Variants in CYTH4 observed in about 807,000 individuals in gnomAD.
CYTH4 encodes the protein cytohesin 4.
CYTH4 carries 22 observed loss-of-function variants against 57.5 expected under a neutral mutation model. That is an observed-to-expected ratio of 0.38 (90% CI 0.27 to 0.55). CYTH4 has a LOEUF of 0.55. Ranked by LOEUF, CYTH4 falls within the 20% of genes least tolerant of loss-of-function variation. The probability of loss-of-function intolerance (pLI) is 0.74; values close to 1 mark genes in which losing one functional copy is unlikely to be tolerated. For synonymous variants in CYTH4, 186 were observed against 206.5 expected, an observed-to-expected ratio of 0.90 and a Z score of 0.85; for missense variants, 420 against 535.6, an observed-to-expected ratio of 0.78 and a Z score of 2.13.
chr22:37,311,351 G>A lies in CYTH4; in HGVS notation c.886-105G>A, dbSNP rs1929635996. 3.9e-6 allele frequency: 4 copies of A among 1,027,432 alleles called. No homozygotes were observed. Among genetic ancestry groups the A allele is most frequent in the Non-Finnish European group, 6.0e-6 (4 of 663,012 alleles). 63.6% of individuals were successfully genotyped at this position (1,027,432 alleles called of 1,614,324 possible). ...CTATGACTGGACAGTCTCGGAAGAT[G>A]AGCACGCTCCTCTTTGAGTTTGGGG... On this transcript the variant is annotated intron_variant, in intron 10 of 12. Transcript: ENST00000248901. The surrounding 1 kb of genome is among the most constrained non-coding windows in gnomAD (Gnocchi z 4.4).
rs377543427 is a variant in CYTH4 at position 37,303,356 on chromosome 22, A to G, written c.650A>G (p.Asn217Ser). The change falls in exon 8 of 13, where the codon AAC (asparagine) becomes AGC (serine). Residue 217 changes from asparagine to serine, a missense_variant. Transcript: ENST00000248901. ...CCTTTTGAGCGCTTTGTGTCCATGA[A>G]CCGCGGCATCAACAATGGTAGCGAC... ...RPPFERFVSM[N>S]RGINNGSDLP... The G allele has an allele frequency of 2.5e-5, 40 of 1,614,010 alleles. No homozygotes were observed. In the Middle Eastern group the frequency reaches 1.2e-3, roughly 46 times the overall value.
At chr22:37,285,435 G>C (rs970562015) in intron 1 of CYTH4, among the ~76,000 whole-genome samples, 3 of 152,172 alleles carry the variant, frequency 2.0e-5, no homozygotes, top group African/African-American at 7.2e-5. Flanking sequence ...GCCAGGCATG[G>C]TGGCTCACAT....
intron 1 of CYTH4, among the ~76,000 whole-genome samples, chr22:37,289,338 T>A (rs1928664922): frequency 6.6e-6 from 1 of 152,168 alleles, no homozygotes; most frequent in African/African-American, 2.4e-5. Context: ...CCACAGGAAG[T>A]GGATGGCCAG....
intron 1 of CYTH4, among the ~76,000 whole-genome samples, chr22:37,283,224 C>G (rs778920631): frequency 6.6e-6 from 1 of 152,090 alleles, no homozygotes; most frequent in Non-Finnish European, 1.5e-5. Flanking sequence ...AACAGAGGCT[C>G]TGGTTGAAAC....
Position 37,297,565 on chromosome 22 carries a change from G to C in CYTH4, c.236G>C (p.Gly79Ala), listed in dbSNP as rs990201794. The change falls in exon 5 of 13, where the codon GGT (glycine) becomes GCT (alanine). Residue 79 changes from glycine (G) to alanine (A), a missense_variant and splice_region_variant. Coordinates refer to ENST00000248901, the MANE Select transcript of CYTH4 (RefSeq NM_013385.5). Reference protein sequence around the residue: ...RKKFNMDPAKGIQYFIEHKLL... With the variant: ...RKKFNMDPAKAIQYFIEHKLL... ...ACGGCTTCTGTGTACCCCCTCCAGG[G>C]TATCCAGTATTTCATTGAGCACAAG... 6.2e-7 allele frequency: 1 copy of C among 1,613,162 alleles called. No homozygotes were observed. Among genetic ancestry groups the C allele is most frequent in the Non-Finnish European group, 8.5e-7 (1 of 1,179,476 alleles).
chr22:37,304,269 G>A (rs1929312967), intron 8 of CYTH4: 2 of 456,610 alleles, frequency 4.4e-6, no homozygotes, highest in African/African-American at 4.0e-5. Context: ...GAAAGGAGAG[G>A]TGTCCAGTGT....
chr22:37,300,890 C>T lies in CYTH4; in HGVS notation c.435-17C>T. On this transcript the variant is annotated splice_polypyrimidine_tract_variant and intron_variant, in intron 6 of 12. Coordinates refer to ENST00000248901, the MANE Select transcript of CYTH4 (RefSeq NM_013385.5). ...GGCCCACCCACTCCACTGCCCGTGG[C>T]CCCGTTTCTCCCCCAGGCAGTTCCT... 1.2e-6 allele frequency: 2 copies of T among 1,610,248 alleles called. No individual in the cohort carries two copies. The highest frequency in any genetic ancestry group is 2.2e-5 in the East Asian group (1 of 44,776).
At position 37,297,586 on chromosome 22, in the gene CYTH4, A is replaced by G. The variant is rs779559252; in HGVS notation, c.257A>G (p.His86Arg). Residue 86 changes from histidine (H) to arginine (R), a missense_variant, in exon 5 of 13, where the codon CAC becomes CGC. Coordinates refer to ENST00000248901, the MANE Select transcript of CYTH4 (RefSeq NM_013385.5). ...CAGGGTATCCAGTATTTCATTGAGC[A>G]CAAGCTGCTGACCCCTGACGTCCAG... is the stretch of plus-strand genomic sequence containing the variant. Reference protein sequence around the residue: ...PAKGIQYFIEHKLLTPDVQDI... With the variant: ...PAKGIQYFIERKLLTPDVQDI... 7.4e-6 allele frequency: 12 copies of G among 1,613,880 alleles called. No individual in the cohort carries two copies. In the South Asian group the frequency reaches 1.1e-4, roughly 15 times the overall value.
chr22:37,311,116 C>A lies in CYTH4; in HGVS notation c.885+52C>A. The A allele has an allele frequency of 6.3e-7, 1 of 1,590,856 alleles. No homozygotes were observed. The highest frequency in any genetic ancestry group is 8.6e-7 in the Non-Finnish European group (1 of 1,159,606). On this transcript the variant is annotated intron_variant, in intron 10 of 12. Transcript: ENST00000248901. The surrounding 1 kb of genome is among the most constrained non-coding windows in gnomAD (Gnocchi z 4.4). ...CCTGCCCCCGCCTCTCCCCGCACAA[C>A]CCACTTCCCAACTCCCACTGAGCAG...
chr22:37,309,068 G>T, intron 8 of CYTH4, 144 bp from the exon 9 acceptor site: 2 of 659,440 alleles, frequency 3.0e-6, no homozygotes, highest in Non-Finnish European at 5.1e-6. Flanking sequence ...ACCAAGAAAA[G>T]CCCAGGGACC....
Position 37,295,887 on chromosome 22 carries a change from C to G in CYTH4, c.168-112C>G. ...TCCCATGCAGGACCCGGAGGCCACA[C>G]TTGGAGGGCCCTAGAGGGGTATGGG... is the stretch of plus-strand genomic sequence containing the variant. On this transcript the variant is annotated intron_variant, in intron 3 of 12. Coordinates refer to ENST00000248901, the MANE Select transcript of CYTH4 (RefSeq NM_013385.5). The surrounding 1 kb of genome is among the most constrained non-coding windows in gnomAD (Gnocchi z 4.1). 6 of 1,150,874 alleles carry G rather than the reference C, an allele frequency of 5.2e-6. No individual in the cohort carries two copies. The highest frequency in any genetic ancestry group is 7.6e-6 in the Non-Finnish European group (6 of 786,634). The allele number at this position is 1,150,874 out of a possible 1,614,324, so 71.3% of individuals were successfully genotyped here. A position where few individuals can be genotyped will look rare whatever the true frequency, so the allele number is the denominator to read the frequency against.
chr22:37,310,699 TA>T (rs1332243324), intron 9 of CYTH4, among the ~76,000 whole-genome samples: 1 of 152,204 alleles, frequency 6.6e-6, no homozygotes, highest in East Asian at 1.9e-4. Flanking sequence ...TGGATGGCGG[TA>T]GCCAGGAAGA....
intron 9 of CYTH4, among the ~76,000 whole-genome samples, chr22:37,310,310 A>T (rs1240816709): frequency 1.3e-5 from 2 of 151,984 alleles, no homozygotes; most frequent in Non-Finnish European, 2.9e-5. Flanking sequence ...AGAGTCACAT[A>T]GCCCTGGGCC....
In CYTH4 at chr22:37,311,985, T is replaced by C; in HGVS notation, c.958-35T>C. 1 of 1,600,956 alleles carries C rather than the reference T, an allele frequency of 6.2e-7. No individual in the cohort carries two copies. The highest frequency in any genetic ancestry group is 1.7e-5 in the Admixed American group (1 of 59,592). On this transcript the variant is annotated intron_variant, in intron 11 of 12. Transcript: ENST00000248901. This position sits in a 1 kb window ranked among gnomAD's most constrained non-coding sequence, Gnocchi z 4.4. ...TCCTGGAGGGCCCACCCAGCCTCCC[T>C]CTCTTCCCACCCTTGCCTGGCCACC...
intron 6 of CYTH4, 35 bp downstream of exon 6, chr22:37,299,341 G>C (rs1929097069): frequency 6.3e-7 from 1 of 1,587,964 alleles, no homozygotes; most frequent in African/African-American, 1.3e-5. Flanking sequence ...CGGCCCTCAA[G>C]GGTGGCACAG....
Position 37,311,905 on chromosome 22 carries a change from T to C in CYTH4, c.958-115T>C. The C allele has an allele frequency of 7.4e-7, 1 of 1,345,556 alleles. No homozygotes were observed. 83.4% of individuals were successfully genotyped at this position (1,345,556 alleles called of 1,614,324 possible). A position where few individuals can be genotyped will look rare whatever the true frequency, so the allele number is the denominator to read the frequency against. ...GAGCAGCAGCTCCTGCCCCTTCGCC[T>C]GTCGTAGGGCTGTCACGCTGATCAG... On this transcript the variant is annotated intron_variant, in intron 11 of 12. Coordinates refer to ENST00000248901, the MANE Select transcript of CYTH4 (RefSeq NM_013385.5). This position sits in a 1 kb window ranked among gnomAD's most constrained non-coding sequence, Gnocchi z 4.4.
rs551779393 is a variant in CYTH4, at chr22:37,295,851, G to A, written c.168-148G>A. 2.6e-5 allele frequency: 20 copies of A among 764,360 alleles called. No homozygotes were observed. Among genetic ancestry groups the A allele is most frequent in the East Asian group, 8.2e-5 (3 of 36,794 alleles). The allele number at this position is 764,360 out of a possible 1,614,324, so 47.3% of individuals were successfully genotyped here. On this transcript the variant is annotated intron_variant, in intron 3 of 12. Coordinates refer to ENST00000248901, the MANE Select transcript of CYTH4 (RefSeq NM_013385.5). The surrounding 1 kb of genome is among the most constrained non-coding windows in gnomAD (Gnocchi z 4.1). ...GCCAGGCCTTGCACTGCTCTCTCCC[G>A]CCCAGGTGGTTCCCATGCAGGACCC...
rs141274369 is a variant in CYTH4 at position 37,292,649 on chromosome 22, G to A, written c.48G>A (p.Thr16=). ...CCGCGGAGCTGAGCAGCGGGGAGAC[G>A]GAAGAGTTACAGAGGATCAAGTGGC... ...PEPAELSSGE[T]EELQRIKWHR... Residue 16 remains threonine (T), a synonymous_variant, in exon 2 of 13, where the codon ACG becomes ACA. Transcript: ENST00000248901. 385 of 1,613,912 alleles carry A rather than the reference G, an allele frequency of 2.4e-4. No individual in the cohort carries two copies. Among genetic ancestry groups the A allele is most frequent in the Non-Finnish European group, 2.9e-4 (346 of 1,179,974 alleles).
chr22:37,309,408 C>T (rs1172368058), intron 9 of CYTH4, 85 bp downstream of exon 9: 3 of 1,205,210 alleles, frequency 2.5e-6, no homozygotes, highest in Admixed American at 3.6e-5. Flanking sequence ...CCTGGACGCA[C>T]AGGCCCCCAG....
Sources: gnomAD v4.1 joint callset for allele counts (sites outside exome capture counted in the v4.1 genomes callset) on GRCh38, gnomAD v4.1.1 for gene constraint, Gnocchi (gnomAD v3.1) non-coding constraint, MANE v1.5 for transcripts, NCBI Gene and HGNC (gene_info 2026-07-23, HGNC 2026-07-21) for gene names.